The following HPS3 variants were observed in gnomAD, a reference collection of about 807,000 sequenced individuals.
HPS3 encodes BLOC-2 complex member HPS3.
In HPS3, 79 loss-of-function variants were observed where a neutral mutation model predicts 110.9. That is an observed-to-expected ratio of 0.71 (90% CI 0.59 to 0.86). The LOEUF is 0.86. Among genes scored for constraint, HPS3 ranks in the 40% least tolerant of loss-of-function variants. HPS3 has a pLI of 0.00. For missense variants in HPS3, 1,197 were observed against 1,206.2 expected, an observed-to-expected ratio of 0.99 and a Z score of 0.11; for synonymous variants, 428 against 451.0, an observed-to-expected ratio of 0.95 and a Z score of 0.65.
chr3:149,140,620 C>G (rs1199407626), intron 2 of HPS3, 122 bp downstream of exon 2: 1 of 1,073,438 alleles, frequency 9.3e-7, no homozygotes, highest in Non-Finnish European at 1.4e-6. Context: ...TTAGTTATTC[C>G]TATTTCATGG....
rs1050945485 is a variant in HPS3, at chr3:149,129,661, C to T, written c.-63C>T. 37 of 1,302,076 alleles carry T rather than the reference C, an allele frequency of 2.8e-5. No individual in the cohort carries two copies. Among genetic ancestry groups the T allele is most frequent in the Non-Finnish European group, 3.7e-5 (36 of 978,326 alleles). 80.7% of individuals were successfully genotyped at this position (1,302,076 alleles called of 1,614,324 possible). ...GCGGAAGTAGTCCTACATTCGCGGT[C>T]AGCGCGGGGTCTCCGGGCGCCCTGC... is the stretch of plus-strand genomic sequence containing the variant. On this transcript the variant is annotated 5_prime_UTR_variant, in exon 1 of 17. Coordinates refer to ENST00000296051, the MANE Select transcript of HPS3 (RefSeq NM_032383.5).
Position 149,141,541 on chromosome 3 carries a change from T to G in HPS3, c.970+161T>G, listed in dbSNP as rs112356485. ...AAAGTTTTTTTTTTTGTTTTTTTTT[T>G]TTTTTTTTTTTGAGACTGAGTCTCG... On this transcript the variant is annotated intron_variant, in intron 4 of 16. Coordinates refer to ENST00000296051, the MANE Select transcript of HPS3 (RefSeq NM_032383.5). Among the ~76,000 whole-genome samples the G allele has an allele frequency of 0.22, 23,974 of 109,890 alleles. 2,082 individuals carry two copies. The highest frequency in any genetic ancestry group is 0.25 in the African/African-American group (7,636 of 30,396). The allele number at this position is 109,890 out of a possible 152,430, so 72.1% of individuals were successfully genotyped here.
chr3:149,172,536 A>G lies in HPS3; in HGVS notation c.*314A>G, dbSNP rs1725108695. 3.9e-6 allele frequency: 1 copy of G among 259,026 alleles called. No individual in the cohort carries two copies. The highest frequency in any genetic ancestry group is 7.7e-6 in the Non-Finnish European group (1 of 130,294). The allele number at this position is 259,026 out of a possible 1,614,324, so 16.0% of individuals were successfully genotyped here. On this transcript the variant is annotated 3_prime_UTR_variant, in exon 17 of 17. Transcript: ENST00000296051. Reference sequence around the variant, plus strand: ...GGGATTGACTTTTATTCCAAGGAACAACATCAGTTCACTGTTGTTGGAGAC... The same window carrying G: ...GGGATTGACTTTTATTCCAAGGAACGACATCAGTTCACTGTTGTTGGAGAC...
rs1237118255 is a variant in HPS3 at position 149,153,513 on chromosome 3, T to C, written c.1265T>C (p.Met422Thr). 1.1e-5 allele frequency: 17 copies of C among 1,613,962 alleles called. No individual in the cohort carries two copies. Among genetic ancestry groups the C allele is most frequent in the Non-Finnish European group, 1.4e-5 (16 of 1,179,898 alleles). The change falls in exon 7 of 17, where the codon ATG becomes ACG. Residue 422 changes from methionine to threonine, a missense_variant. Met to Thr is a moderately conservative substitution (Grantham distance 81, BLOSUM62 -1). Transcript: ENST00000296051. ...TACTAGGCTTGCCCACCTGTCAGTA[T>C]GGATGTCTGTGCTTTAAGAATACAG... ...TTLKACPPVS[M>T]DVCALRIQLF...
Position 149,160,097 on chromosome 3 carries a change from G to A in HPS3, c.1924G>A (p.Val642Met), listed in dbSNP as rs920301782. The A allele has an allele frequency of 6.2e-7, 1 of 1,613,954 alleles. No individual in the cohort carries two copies. ...GTTTTATGTGGCTGAGCCAAAGCAA[G>A]TGCCCCATATTCTCTGTAGTCCTTC... ...QMFYVAEPKQ[V>M]PHILCSPSMK... The change falls in exon 11 of 17, where the codon GTG becomes ATG. Residue 642 changes from valine (V) to methionine (M), a missense_variant. Val to Met is a conservative substitution (Grantham distance 21). Transcript: ENST00000296051.
chr3:149,168,708 T>C (rs1407848846), intron 16 of HPS3, among the ~76,000 whole-genome samples: 3 of 152,176 alleles, frequency 2.0e-5, no homozygotes, highest in Non-Finnish European at 4.4e-5. Context: ...ATGCTTGTGA[T>C]TGGGAAGGGA....
intron 7 of HPS3, chr3:149,154,096 T>A (rs948419066): frequency 6.0e-6 from 1 of 165,844 alleles, no homozygotes; most frequent in Non-Finnish European, 1.3e-5. Flanking sequence ...TCTATAGATA[T>A]GTGCTCATGT....
chr3:149,140,912 G>T, intron 2 of HPS3, 105 bp from the exon 3 acceptor site: 2 of 1,045,458 alleles, frequency 1.9e-6, no homozygotes, highest in East Asian at 5.0e-5. Flanking sequence ...TTGTAAATGT[G>T]TGCATATTAT....
rs751233801 is a variant in HPS3, at chr3:149,141,367, C to G, written c.957C>G (p.Pro319=). 1.7e-5 allele frequency: 28 copies of G among 1,612,894 alleles called. No homozygotes were observed. The East Asian group carries it at 5.8e-4, about 33-fold the overall frequency. The change falls in exon 4 of 17, where the codon CCC becomes CCG. Residue 319 remains proline, a synonymous_variant. Coordinates refer to ENST00000296051, the MANE Select transcript of HPS3 (RefSeq NM_032383.5). ...DIKLHSLQLL[P]IYQTGSLTSD... is the part of the protein sequence containing the mutation. ...AGCTACATTCCCTCCAGCTGCTACCCATTTACCAGACCGGTAAGCATGACA... is the reference window on the plus strand; with the variant it reads ...AGCTACATTCCCTCCAGCTGCTACCGATTTACCAGACCGGTAAGCATGACA...
Position 149,162,858 on chromosome 3 carries a change from T to C in HPS3, c.2461T>C (p.Leu821=), listed in dbSNP as rs1724018989. ...GAGGCAGCCTCCTGACACCACACCA[T>C]TGCGAACATCGGAGGATCTGGTAAG... ...SKRQPPDTTP[L]RTSEDLINAC... is the part of the protein sequence containing the mutation. The change falls in exon 13 of 17, where the codon TTG becomes CTG. Residue 821 remains leucine, a synonymous_variant. Transcript: ENST00000296051. The C allele has an allele frequency of 6.2e-7, 1 of 1,613,776 alleles. No homozygotes were observed. Among genetic ancestry groups the C allele is most frequent in the African/African-American group, 1.3e-5 (1 of 75,042 alleles).
intron 1 of HPS3, among the ~76,000 whole-genome samples, chr3:149,133,237 T>C (rs986531040): frequency 6.6e-6 from 1 of 152,228 alleles, no homozygotes; most frequent in African/African-American, 2.4e-5. Context: ...GAGAAATCTT[T>C]TGTGAAAGGA....
intron 16 of HPS3, among the ~76,000 whole-genome samples, chr3:149,171,528 A>G (rs1259057778): frequency 6.6e-6 from 1 of 152,228 alleles, no homozygotes; most frequent in Non-Finnish European, 1.5e-5. Context: ...GCAAAATAAT[A>G]TAGTAATTCA....
rs191518512 is a variant in HPS3 at position 149,146,620 on chromosome 3, A to G, written c.1163+1074A>G. ...TCTCTAGCAGGTGCTGGAGATTCCAAACTGCATAGAACCAATCTGGAGATT... is the reference window on the plus strand; with the variant it reads ...TCTCTAGCAGGTGCTGGAGATTCCAGACTGCATAGAACCAATCTGGAGATT... On this transcript the variant is annotated intron_variant, in intron 5 of 16. Coordinates refer to ENST00000296051, the MANE Select transcript of HPS3 (RefSeq NM_032383.5). Among the ~76,000 whole-genome samples, 3 of 152,332 alleles carry G rather than the reference A, an allele frequency of 2.0e-5. No homozygotes were observed. In the East Asian group the frequency reaches 5.8e-4, roughly 29 times the overall value.
In HPS3 at chr3:149,133,360, C is replaced by T. The variant is rs758686684; in HGVS notation, c.217+3420C>T. ...TGTTGGCCAGGCTGGAGTGCAGTGG[C>T]GTGAACTCGGCTCACCACAACCTCC... On this transcript the variant is annotated intron_variant, in intron 1 of 16. Coordinates refer to ENST00000296051, the MANE Select transcript of HPS3 (RefSeq NM_032383.5). Among the ~76,000 whole-genome samples, 143 of 151,922 alleles carry T rather than the reference C, an allele frequency of 9.4e-4. 1 individual carries two copies. Among genetic ancestry groups the T allele is most frequent in the Non-Finnish European group, 1.7e-3 (116 of 67,998 alleles).
chr3:149,141,719 C>G (rs1397539443), intron 4 of HPS3, among the ~76,000 whole-genome samples: 2 of 149,974 alleles, frequency 1.3e-5, no homozygotes, highest in Non-Finnish European at 3.0e-5. Flanking sequence ...GTATTTTTAG[C>G]AGAGACGGGG....
At chr3:149,163,007 AG>A in intron 13 of HPS3, 129 bp downstream of exon 13, 3 of 792,030 alleles carry the variant, frequency 3.8e-6, no homozygotes, top group Non-Finnish European at 6.2e-6. Context: ...TTTATGCAGG[AG>A]TTAAAAATAC....
chr3:149,144,439 A>G (rs982479664), intron 4 of HPS3, among the ~76,000 whole-genome samples: 4 of 152,214 alleles, frequency 2.6e-5, no homozygotes, highest in Admixed American at 6.5e-5. Flanking sequence ...GTAAGTGTTC[A>G]CATTTCTCTA....
At chr3:149,140,610 TTA>T (rs1722384675) in intron 2 of HPS3, 112 bp downstream of exon 2, 1 of 1,156,378 alleles carries the variant, frequency 8.6e-7, no homozygotes, top group East Asian at 2.5e-5. Flanking sequence ...ATTTATAGAT[TTA>T]GTTATTCCTA....
At chr3:149,164,904 C>T (rs1040882791) in intron 14 of HPS3, among the ~76,000 whole-genome samples, 4 of 152,048 alleles carry the variant, frequency 2.6e-5, no homozygotes, top group Non-Finnish European at 5.9e-5. Flanking sequence ...ATTTGCAATA[C>T]CTCATTTACA....
Sources: allele counts gnomAD v4.1 joint callset (sites outside exome capture counted in the v4.1 genomes callset), GRCh38; gene constraint gnomAD v4.1.1; transcripts MANE v1.5; gene names NCBI Gene and HGNC (gene_info 2026-07-23, HGNC 2026-07-21).